The following COL27A1 variants were observed in gnomAD, a reference collection of about 807,000 sequenced individuals.
COL27A1 encodes the protein collagen type XXVII alpha 1 chain, also known as collagen alpha-1(XXVII) chain.
COL27A1 carries 106 observed loss-of-function variants against 251.3 expected under a neutral mutation model. That is an observed-to-expected ratio of 0.42 (90% CI 0.36 to 0.50). COL27A1 has a LOEUF of 0.50. Ranked by LOEUF, COL27A1 falls within the 20% of genes least tolerant of loss-of-function variation. COL27A1 has a pLI of 0.00. For synonymous variants in COL27A1, 1,000 were observed against 986.3 expected (o/e 1.01, Z -0.26); for missense variants, 2,325 against 2,522.8 (o/e 0.92, Z 1.68).
chr9:114,255,159 T>C (rs1261096258), intron 27 of COL27A1, among the ~76,000 whole-genome samples: 3 of 152,192 alleles, frequency 2.0e-5, no homozygotes, highest in African/African-American at 7.2e-5. Flanking sequence ...AAAAGTCACA[T>C]CTGGCCCAGG....
At chr9:114,281,626 C>T (rs886924333) in intron 37 of COL27A1, among the ~76,000 whole-genome samples, 6 of 152,236 alleles carry the variant, frequency 3.9e-5, no homozygotes, top group African/African-American at 1.4e-4. Flanking sequence ...ACAGGAATTG[C>T]TCGCAAGTGA....
intron 22 of COL27A1, among the ~76,000 whole-genome samples, chr9:114,242,738 T>C (rs1308187656): frequency 1.3e-5 from 2 of 152,252 alleles, no homozygotes; most frequent in African/African-American, 2.4e-5. Flanking sequence ...CAAAGGCTTT[T>C]GTTTGAGTGG....
Position 114,183,050 on chromosome 9 carries a change from G to T in COL27A1, c.1991G>T (p.Gly664Val). Reference protein sequence around the residue: ...RGPPGPYGNPGLPGPPGAKGQ... With the variant: ...RGPPGPYGNPVLPGPPGAKGQ... ...CCTCCTGGGCCTTATGGAAATCCAG[G>T]TCTCCCCGGCCCTCCTGGAGCCAAA... Residue 664 changes from glycine (G) to valine (V), a missense_variant, in exon 5 of 61, where the codon GGT (glycine) becomes GTT (valine). Coordinates refer to ENST00000356083, the MANE Select transcript of COL27A1 (RefSeq NM_032888.4). 6.2e-7 allele frequency: 1 copy of T among 1,613,552 alleles called. No homozygotes were observed. Among genetic ancestry groups the T allele is most frequent in the Non-Finnish European group, 8.5e-7 (1 of 1,179,970 alleles).
chr9:114,191,137 C>T (rs1828719209), intron 5 of COL27A1, among the ~76,000 whole-genome samples: 1 of 152,226 alleles, frequency 6.6e-6, no homozygotes, highest in African/African-American at 2.4e-5. Context: ...TTCTCTCCAA[C>T]TTCTTCCTGT....
In COL27A1 at chr9:114,307,784, C is replaced by T. The variant is rs529163366; in HGVS notation, c.5217+6C>T. ...AGCCCATCACGGCCTCCAAGGTACC[C>T]ATCAGCTCCCACACTGCCCACCAGG... On this transcript the variant is annotated splice_donor_region_variant and intron_variant, in intron 59 of 60. Transcript: ENST00000356083. 448 of 1,602,630 alleles carry T rather than the reference C, an allele frequency of 2.8e-4. 6 individuals are homozygous for T. The South Asian group carries it at 4.4e-3, about 16-fold the overall frequency.
intron 28 of COL27A1, among the ~76,000 whole-genome samples, chr9:114,259,907 A>C (rs1232375105): frequency 1.3e-5 from 2 of 151,226 alleles, no homozygotes; most frequent in African/African-American, 4.9e-5. Context: ...CCCAAACCAG[A>C]TGGCCTGAGC....
At chr9:114,169,907 G>A (rs923145654) in intron 3 of COL27A1, among the ~76,000 whole-genome samples, 2 of 152,262 alleles carry the variant, frequency 1.3e-5, no homozygotes, top group African/African-American at 4.8e-5. Context: ...GAGAGTTGCA[G>A]ACAAAGGTCA....
chr9:114,206,205 G>C, intron 9 of COL27A1, 47 bp from the exon 10 acceptor site: 1 of 1,593,546 alleles, frequency 6.3e-7, no homozygotes, highest in Non-Finnish European at 8.6e-7. Context: ...TTGGCAGCAG[G>C]TAGAGCGTCT....
chr9:114,219,834 A>C lies in COL27A1; in HGVS notation c.2411A>C (p.Asp804Ala). 6.2e-7 allele frequency: 1 copy of C among 1,610,224 alleles called. No homozygotes were observed. The highest frequency in any genetic ancestry group is 8.5e-7 in the Non-Finnish European group (1 of 1,176,524). Residue 804 changes from aspartate (D) to alanine (A), a missense_variant, in exon 13 of 61, where the codon GAT becomes GCT. Physicochemically the swap from Asp to Ala is moderately radical, Grantham distance 126. Around this residue, in one of 4 missense-constraint regions of COL27A1, gnomAD observed 1,183 missense variants for 1,144.1 expected, o/e 1.03. Transcript: ENST00000356083. The stretch of plus-strand genomic sequence containing the variant: ...GGGGAAAGAGGCCCTCCTGGACTGG[A>C]TGGAAATCCTGTGAGTATTTCAAGT... ...VFGERGPPGL[D>A]GNPGELGLPG...
At chr9:114,216,428 G>C (rs1830716350) in intron 12 of COL27A1, among the ~76,000 whole-genome samples, 1 of 152,222 alleles carries the variant, frequency 6.6e-6, no homozygotes, top group Non-Finnish European at 1.5e-5. Context: ...AGATGGGGTT[G>C]AAGTGGGGGC....
intron 36 of COL27A1, chr9:114,273,123 G>A (rs1835259514): frequency 6.6e-6 from 1 of 152,222 alleles, no homozygotes; most frequent in Admixed American, 6.5e-5. Context: ...TGTGGTCTTA[G>A]GCAGAGCCCA....
chr9:114,197,217 T>C (rs928908513), intron 7 of COL27A1, among the ~76,000 whole-genome samples: 1 of 152,068 alleles, frequency 6.6e-6, no homozygotes, highest in African/African-American at 2.4e-5. Context: ...AGCTGAACTC[T>C]CTCTAGGCCA....
chr9:114,282,028 A>G (rs1835941199), intron 37 of COL27A1, among the ~76,000 whole-genome samples: 1 of 152,140 alleles, frequency 6.6e-6, no homozygotes, highest in East Asian at 1.9e-4. Flanking sequence ...CCCAGGCCTC[A>G]CTGTCAGCAC....
At chr9:114,301,782 C>G in intron 55 of COL27A1, 65 bp downstream of exon 55, 1 of 1,479,744 alleles carries the variant, frequency 6.8e-7, no homozygotes, top group Non-Finnish European at 9.3e-7. Context: ...AGATTCAAGG[C>G]TTCACCGGCA....
intron 34 of COL27A1, chr9:114,269,003 G>GTGT (rs1348840116): frequency 2.0e-6 from 1 of 504,198 alleles, no homozygotes; most frequent in Admixed American, 3.6e-5. Context: ...TAGGATGATG[G>GTGT]TGTTGGTGCT....
intron 3 of COL27A1, among the ~76,000 whole-genome samples, chr9:114,171,018 G>T (rs1485003635): frequency 6.6e-6 from 1 of 152,230 alleles, no homozygotes; most frequent in Non-Finnish European, 1.5e-5. Context: ...GTGGTGTGGA[G>T]AGAGGAGCGG....
rs2808770 is a variant in COL27A1 at position 114,169,165 on chromosome 9, T to G, written c.1610T>G (p.Ile537Ser). 4 of 1,613,800 alleles carry G rather than the reference T, an allele frequency of 2.5e-6. No homozygotes were observed. ...GSAPTGSKKP[I>S]GSEASKKAGP... is the part of the protein sequence containing the mutation. ...GCTCCCACTGGAAGCAAGAAGCCCA[T>G]TGGATCGGAAGCCTCAAAGAAAGCC... is the stretch of plus-strand genomic sequence containing the variant. The change falls in exon 3 of 61, where the codon ATT (isoleucine) becomes AGT (serine). Residue 537 changes from isoleucine (I) to serine (S), a missense_variant. Physicochemically the swap from Ile to Ser is moderately radical, Grantham distance 142. Coordinates refer to ENST00000356083, the MANE Select transcript of COL27A1 (RefSeq NM_032888.4).
intron 34 of COL27A1, 116 bp downstream of exon 34, chr9:114,267,673 T>C: frequency 1.0e-6 from 1 of 970,712 alleles, no homozygotes; most frequent in Non-Finnish European, 1.5e-6. Flanking sequence ...TAATGGGTTC[T>C]CTGTGCTCCT....
chr9:114,255,706 A>G (rs1833870906), intron 27 of COL27A1, among the ~76,000 whole-genome samples: 1 of 152,060 alleles, frequency 6.6e-6, no homozygotes, highest in Non-Finnish European at 1.5e-5. Flanking sequence ...TCTGATCCCA[A>G]GGTTGCCATG....
Sources: gnomAD v4.1 joint callset for allele counts (sites outside exome capture counted in the v4.1 genomes callset) on GRCh38, gnomAD v4.1.1 for gene constraint, gnomAD v4.1.1 regional missense constraint, MANE v1.5 for transcripts, NCBI Gene and HGNC (gene_info 2026-07-23, HGNC 2026-07-21) for gene names.